PDE4D: variants seen among roughly 807,000 people sequenced by gnomAD.
The protein encoded by PDE4D is phosphodiesterase 4D.
A neutral mutation model predicts 87.4 loss-of-function variants in PDE4D; 24 were observed. The observed-to-expected ratio is 0.27, with a 90% CI of 0.20 to 0.39. The LOEUF (loss-of-function observed/expected upper bound fraction) is 0.39. Ranked by LOEUF, PDE4D falls within the 10% of genes least tolerant of loss-of-function variation. The pLI, the probability that PDE4D is intolerant of heterozygous loss-of-function variation, is 1.00. For synonymous variants in PDE4D, 384 were observed against 383.2 expected (o/e 1.00, Z -0.02); for missense variants, 714 against 1,041.0 (o/e 0.69, Z 4.32).
chr5:60,079,148 C>CT (rs2152902216), intron 2 of PDE4D, among the ~76,000 whole-genome samples: 1 of 152,214 alleles, frequency 6.6e-6, no homozygotes, highest in Admixed American at 6.5e-5. Context: ...TGACATTGAG[C>CT]TTTTTTCATA....
At chr5:59,491,461 G>C (rs1457849212) in intron 1 of PDE4D, among the ~76,000 whole-genome samples, 1 of 152,178 alleles carries the variant, frequency 6.6e-6, no homozygotes, top group Non-Finnish European at 1.5e-5. Flanking sequence ...TGTCAGTGGT[G>C]ATTGATACAA....
chr5:59,440,785 A>T (rs1316127770), intron 1 of PDE4D, among the ~76,000 whole-genome samples: 4 of 152,152 alleles, frequency 2.6e-5, no homozygotes, highest in African/African-American at 9.7e-5. Context: ...TTGAAAAAAA[A>T]AATTTTCATG....
intron 1 of PDE4D, among the ~76,000 whole-genome samples, chr5:60,397,191 A>C (rs761615319): frequency 6.6e-6 from 1 of 152,258 alleles, no homozygotes; most frequent in Non-Finnish European, 1.5e-5. Context: ...CACACTGTTC[A>C]TGGGAATGTA....
At chr5:60,274,569 C>A (rs1751172222) in intron 1 of PDE4D, among the ~76,000 whole-genome samples, 3 of 152,196 alleles carry the variant, frequency 2.0e-5, no homozygotes, top group Non-Finnish European at 4.4e-5. Context: ...CCATGTTGGC[C>A]AGGCTGGTCA....
intron 1 of PDE4D, among the ~76,000 whole-genome samples, chr5:60,383,199 AAAC>A: frequency 6.6e-6 from 1 of 152,332 alleles, no homozygotes; most frequent in East Asian, 1.9e-4. Flanking sequence ...AATGCACTAA[AAAC>A]AATTATTTTT....
intron 1 of PDE4D, among the ~76,000 whole-genome samples, chr5:59,255,185 A>G (rs1242658363): frequency 6.6e-6 from 1 of 152,178 alleles, no homozygotes; most frequent in Non-Finnish European, 1.5e-5. Context: ...ATGAATAAAT[A>G]AGCAAAATGT....
intron 1 of PDE4D, among the ~76,000 whole-genome samples, chr5:60,426,231 G>A (rs925557923): frequency 4.6e-5 from 7 of 152,110 alleles, no homozygotes; most frequent in Admixed American, 2.0e-4. Context: ...ACATGCACAC[G>A]TATGTCTATT....
chr5:59,485,978 T>C (rs1002903886), intron 1 of PDE4D, among the ~76,000 whole-genome samples: 6 of 152,138 alleles, frequency 3.9e-5, no homozygotes, highest in African/African-American at 1.4e-4. Context: ...GAAAAGGGTT[T>C]AAGCTTTTTT....
chr5:59,790,645 C>G (rs977289739), intron 1 of PDE4D, among the ~76,000 whole-genome samples: 3 of 151,814 alleles, frequency 2.0e-5, no homozygotes, highest in Non-Finnish European at 2.9e-5. Flanking sequence ...TTTCTCTTTC[C>G]CCTTCCTCTC....
At chr5:60,203,200 A>T (rs1444166077) in intron 1 of PDE4D, among the ~76,000 whole-genome samples, 1 of 152,126 alleles carries the variant, frequency 6.6e-6, no homozygotes, top group African/African-American at 2.4e-5. Flanking sequence ...CGAACTCCTG[A>T]TCTCAGGTGA....
At chr5:59,737,409 A>C (rs549648621) in intron 1 of PDE4D, among the ~76,000 whole-genome samples, 164 of 152,234 alleles carry the variant, frequency 1.1e-3, no homozygotes, top group Non-Finnish European at 1.9e-3. Flanking sequence ...TTTTGCCTAG[A>C]AATCAGCCAT....
chr5:60,267,119 T>C (rs1562272741), intron 1 of PDE4D, among the ~76,000 whole-genome samples: 1 of 152,184 alleles, frequency 6.6e-6, no homozygotes, highest in Non-Finnish European at 1.5e-5. Context: ...AATAAGGACG[T>C]AAAACTGTCC....
chr5:59,547,830 G>C (rs17797996), intron 1 of PDE4D, among the ~76,000 whole-genome samples: 13,127 of 152,092 alleles, frequency 0.086, 670 homozygotes, highest in Admixed American at 0.14. Context: ...TCCACAACCG[G>C]GACACACAGA....
At chr5:59,707,236 T>C (rs763120651) in intron 1 of PDE4D, among the ~76,000 whole-genome samples, 5 of 152,088 alleles carry the variant, frequency 3.3e-5, no homozygotes, top group African/African-American at 4.8e-5. Flanking sequence ...AGATAGCAAA[T>C]GGAAAAACAG....
chr5:59,015,884 C>T (rs1343722346), intron 6 of PDE4D, among the ~76,000 whole-genome samples: 4 of 152,110 alleles, frequency 2.6e-5, no homozygotes, highest in Non-Finnish European at 2.9e-5. Flanking sequence ...CAAATGTCCA[C>T]CAATGATAGA....
chr5:59,374,298 A>T (rs1784377864), intron 1 of PDE4D, among the ~76,000 whole-genome samples: 1 of 152,190 alleles, frequency 6.6e-6, no homozygotes, highest in Non-Finnish European at 1.5e-5. Flanking sequence ...ACATGCAATG[A>T]TACACATAGG....
At chr5:59,327,511 G>GCAAAAAAA (rs1302245470) in intron 1 of PDE4D, among the ~76,000 whole-genome samples, 2 of 152,104 alleles carry the variant, frequency 1.3e-5, no homozygotes, top group African/African-American at 4.8e-5. Flanking sequence ...ACTGCAAAGT[G>GCAAAAAAA]TTCAGATTAG....
chr5:60,140,001 A>G (rs1358780663), intron 2 of PDE4D, among the ~76,000 whole-genome samples: 2 of 152,078 alleles, frequency 1.3e-5, no homozygotes, highest in Non-Finnish European at 1.5e-5. Context: ...GCTCCATGTT[A>G]TGCAACTTGT....
At chr5:59,459,778 G>A (rs1241192203) in intron 1 of PDE4D, among the ~76,000 whole-genome samples, 2 of 152,174 alleles carry the variant, frequency 1.3e-5, no homozygotes, top group Non-Finnish European at 2.9e-5. Context: ...CTGTGTGGTT[G>A]TTAACTAATC....
Sources: allele counts gnomAD v4.1 joint callset (sites outside exome capture counted in the v4.1 genomes callset), GRCh38; gene constraint gnomAD v4.1.1; transcripts MANE v1.5; gene names NCBI Gene and HGNC (gene_info 2026-07-23, HGNC 2026-07-21).